Variants in PCDH11Y observed in about 807,000 individuals in gnomAD.
PCDH11Y encodes protocadherin-11 Y-linked.
For synonymous variants in PCDH11Y, 9 were observed against 83.6 expected (o/e 0.11, Z 4.87); for missense variants, 12 against 224.8 (o/e 0.05, Z 6.05).
chrY:5,357,577 C>T, intron 2 of PCDH11Y, among the ~76,000 whole-genome samples: 1 of 32,227 alleles, frequency 3.1e-5, no homozygotes. Flanking sequence ...CATGACTAGT[C>T]TTTTTAAGAG....
intron 3 of PCDH11Y, among the ~76,000 whole-genome samples, chrY:5,528,184 T>A: frequency 6.1e-5 from 2 of 32,729 alleles, no homozygotes; most frequent in African/African-American, 1.2e-4. Context: ...GTAATGCTAA[T>A]TTGGAGAGAA....
intron 3 of PCDH11Y, among the ~76,000 whole-genome samples, chrY:5,527,864 T>C: frequency 3.0e-5 from 1 of 33,255 alleles, no homozygotes; most frequent in African/African-American, 1.2e-4. Flanking sequence ...CATCACAGAC[T>C]GTTTCATAGA....
intron 2 of PCDH11Y, among the ~76,000 whole-genome samples, chrY:5,218,974 T>A (rs2124652157): frequency 1.7e-4 from 6 of 34,310 alleles, no homozygotes; most frequent in African/African-American, 6.7e-4. Context: ...TATTTCTCTT[T>A]ATGTCTCTAG....
intron 2 of PCDH11Y, among the ~76,000 whole-genome samples, chrY:5,256,008 A>G (rs2053010466): frequency 6.2e-5 from 2 of 32,438 alleles, no homozygotes; most frequent in African/African-American, 2.4e-4. Flanking sequence ...TTCACTTGGC[A>G]AAATGTTTTC....
At chrY:5,460,040 C>G (rs2053301778) in intron 2 of PCDH11Y, among the ~76,000 whole-genome samples, 1 of 32,908 alleles carries the variant, frequency 3.0e-5, no homozygotes, top group Non-Finnish European at 7.6e-5. Context: ...GTACTAACTT[C>G]TAATGTGTGA....
chrY:5,601,707 C>G, intron 4 of PCDH11Y, among the ~76,000 whole-genome samples: 2 of 32,391 alleles, frequency 6.2e-5, no homozygotes, highest in African/African-American at 1.2e-4. Context: ...TATATTTATA[C>G]CTCTATCTAT....
intron 4 of PCDH11Y, among the ~76,000 whole-genome samples, chrY:5,591,548 G>T: frequency 3.2e-5 from 1 of 30,800 alleles, no homozygotes; most frequent in East Asian, 8.5e-4. Flanking sequence ...TCTGATTTTG[G>T]TTATTTCTTG....
At chrY:5,019,679 A>G (rs2124619586) in intron 1 of PCDH11Y, among the ~76,000 whole-genome samples, 1 of 30,535 alleles carries the variant, frequency 3.3e-5, no homozygotes, top group African/African-American at 1.3e-4. Context: ...TTCAAAGTGG[A>G]TCTAGACAAA....
intron 2 of PCDH11Y, among the ~76,000 whole-genome samples, chrY:5,239,790 T>C: frequency 3.0e-5 from 1 of 33,239 alleles, no homozygotes; most frequent in Non-Finnish European, 7.4e-5. Flanking sequence ...TGAAATTCCA[T>C]TGAAATCTTT....
chrY:5,645,269 G>GT (rs2053526386), intron 4 of PCDH11Y, among the ~76,000 whole-genome samples: 1 of 33,036 alleles, frequency 3.0e-5, no homozygotes, highest in South Asian at 6.8e-4. Flanking sequence ...ACTTTGAAGA[G>GT]TATCTGCCCT....
At chrY:5,559,660 C>T (rs2053426954) in intron 3 of PCDH11Y, among the ~76,000 whole-genome samples, 78 of 32,424 alleles carry the variant, frequency 2.4e-3, no homozygotes, top group South Asian at 4.9e-3. Context: ...GCTTTAAAAA[C>T]GGAAGTTTCC....
chrY:5,114,328 T>C (rs2052806154), intron 2 of PCDH11Y, among the ~76,000 whole-genome samples: 1 of 32,297 alleles, frequency 3.1e-5, no homozygotes, highest in African/African-American at 1.2e-4. Flanking sequence ...TCCCTGATCA[T>C]GGCATGCACT....
At chrY:5,510,016 G>A (rs2053362992) in intron 3 of PCDH11Y, among the ~76,000 whole-genome samples, 2 of 28,143 alleles carry the variant, frequency 7.1e-5, no homozygotes, top group African/African-American at 2.8e-4. Context: ...TGGGCATGAT[G>A]GTGGGTGCCT....
intron 2 of PCDH11Y, among the ~76,000 whole-genome samples, chrY:5,457,392 T>C: frequency 3.0e-5 from 1 of 33,754 alleles, no homozygotes; most frequent in Non-Finnish European, 7.4e-5. Context: ...ATAGAACTTA[T>C]AACAAATCAA....
chrY:5,706,365 G>A, intron 4 of PCDH11Y, among the ~76,000 whole-genome samples: 1 of 32,429 alleles, frequency 3.1e-5, no homozygotes, highest in African/African-American at 1.2e-4. Context: ...TAAGAAAAAC[G>A]TCTTTAAAAT....
chrY:5,424,507 T>C, intron 2 of PCDH11Y, among the ~76,000 whole-genome samples: 1 of 33,732 alleles, frequency 3.0e-5, no homozygotes, highest in Admixed American at 2.7e-4. Flanking sequence ...TCTGTTCTGG[T>C]TGAAATGCAG....
At chrY:5,468,893 G>GA (rs2053310737) in intron 2 of PCDH11Y, among the ~76,000 whole-genome samples, 4 of 32,463 alleles carry the variant, frequency 1.2e-4, no homozygotes, top group African/African-American at 4.8e-4. Context: ...AACTAATTTG[G>GA]AAAAACGAAA....
At chrY:5,419,720 AGT>A (rs2053256129) in intron 2 of PCDH11Y, among the ~76,000 whole-genome samples, 1 of 31,752 alleles carries the variant, frequency 3.1e-5, no homozygotes, top group Non-Finnish European at 7.7e-5. Flanking sequence ...GTGCATGCAG[AGT>A]GAGAGATATC....
chrY:5,324,256 C>A (rs2053116296), intron 2 of PCDH11Y, among the ~76,000 whole-genome samples: 1 of 32,864 alleles, frequency 3.0e-5, no homozygotes, highest in African/African-American at 1.2e-4. Context: ...CATTCTTTTA[C>A]ACAAAACACA....
Sources: allele counts gnomAD v4.1 joint callset (sites outside exome capture counted in the v4.1 genomes callset), GRCh38; gene constraint gnomAD v4.1.1; transcripts MANE v1.5; gene names NCBI Gene and HGNC (gene_info 2026-07-23, HGNC 2026-07-21).